Variants in UGT2B10 observed in about 807,000 individuals in gnomAD.
The protein encoded by UGT2B10 is UDP-glucuronosyltransferase 2B10.
UGT2B10 carries 51 observed loss-of-function variants against 43.7 expected under a neutral mutation model. The ratio of observed to expected loss-of-function variants is 1.17; its 90% CI spans 0.93 to 1.47. UGT2B10 has a LOEUF of 1.47. Ranked by LOEUF, UGT2B10 falls within the 40% of genes most tolerant of loss-of-function variation. The pLI is 0.00. For missense variants in UGT2B10, 696 were observed against 617.7 expected (o/e 1.13, Z -1.34); for synonymous variants, 225 against 209.0 (o/e 1.08, Z -0.66).
rs782769475 is a variant in UGT2B10, at chr4:68,822,291, G to A, written c.888G>A (p.Gln296=). The A allele has an allele frequency of 6.2e-7, 1 of 1,612,736 alleles. No homozygotes were observed. The highest frequency in any genetic ancestry group is 1.1e-5 in the South Asian group (1 of 90,980). Residue 296 remains glutamine, a synonymous_variant, in exon 3 of 6, where the codon CAG becomes CAA. Transcript: ENST00000265403. ...CACAGGAAATGGAGGAGTTTGTACA[G>A]AGCTCTGGAGAAAATGGTGTTGTGG... The part of the protein sequence containing the change: ...PLPKEMEEFV[Q]SSGENGVVVF...
chr4:68,828,354 C>A (rs1296222144), intron 5 of UGT2B10, among the ~76,000 whole-genome samples: 3 of 151,534 alleles, frequency 2.0e-5, no homozygotes, highest in African/African-American at 7.3e-5. Context: ...AATATAGATA[C>A]GTCATAATTT....
At chr4:68,824,189 A>C (rs546187779) in intron 3 of UGT2B10, among the ~76,000 whole-genome samples, 1 of 152,246 alleles carries the variant, frequency 6.6e-6, no homozygotes, top group South Asian at 2.1e-4. Context: ...TCAGAGAAAG[A>C]GTGGCCTAGG....
Position 68,817,054 on chromosome 4 carries a change from C to T in UGT2B10, c.718+317C>T, listed in dbSNP as rs990952193. On this transcript the variant is annotated intron_variant, in intron 1 of 5. Coordinates refer to ENST00000265403, the MANE Select transcript of UGT2B10 (RefSeq NM_001075.6). ...TTCAGATCTTAAAAACAGCAAGATC[C>T]GTCAAGTAACATCTAACCGAATGCA... Among the ~76,000 whole-genome samples the T allele has an allele frequency of 4.0e-5, 6 of 151,686 alleles. 1 individual carries two copies. Among genetic ancestry groups the T allele is most frequent in the Admixed American group, 1.3e-4 (2 of 15,170 alleles).
chr4:68,827,697 CTGT>C (rs1207751695), intron 5 of UGT2B10, 149 bp downstream of exon 5: 1 of 1,351,092 alleles, frequency 7.4e-7, no homozygotes, highest in Non-Finnish European at 9.9e-7. Flanking sequence ...TACTTTTTAT[CTGT>C]TATTTAAAAA....
Position 68,816,028 on chromosome 4 carries a change from G to A in UGT2B10, c.9G>A (p.Leu3=), listed in dbSNP as rs115319615. The A allele has an allele frequency of 2.2e-3, 3,509 of 1,612,632 alleles. 58 individuals carry two copies. The African/African-American group carries it at 0.042, about 19-fold the overall frequency. The change falls in exon 1 of 6, where the codon CTG becomes CTA. Residue 3 remains leucine, a synonymous_variant. Transcript: ENST00000265403. MA[L]KWTTVLLIQL... The stretch of plus-strand genomic sequence containing the variant: ...TATCACATTGCACAAGGATGGCTCT[G>A]AAATGGACTACAGTTCTGCTGATAC...
At chr4:68,823,751 GA>G (rs1273503934) in intron 3 of UGT2B10, among the ~76,000 whole-genome samples, 1 of 152,032 alleles carries the variant, frequency 6.6e-6, no homozygotes, top group Non-Finnish European at 1.5e-5. Context: ...GAGCTTTTGG[GA>G]AAGCACTAAT....
rs771595962 is a variant in UGT2B10, at chr4:68,826,403, G to A, written c.1000-7G>A. 6.2e-7 allele frequency: 1 copy of A among 1,608,544 alleles called. No homozygotes were observed. The highest frequency in any genetic ancestry group is 1.7e-5 in the Admixed American group (1 of 59,234). Reference sequence around the variant, plus strand: ...CGTGGAATAAGATATTCTCTTTACTGTAACAGGTTCTTTGGAGATTTGATG... The same window carrying A: ...CGTGGAATAAGATATTCTCTTTACTATAACAGGTTCTTTGGAGATTTGATG... On this transcript the variant is annotated splice_region_variant and splice_polypyrimidine_tract_variant and intron_variant, in intron 3 of 5. Transcript: ENST00000265403.
At chr4:68,824,727 T>C (rs1243955863) in intron 3 of UGT2B10, among the ~76,000 whole-genome samples, 1 of 152,132 alleles carries the variant, frequency 6.6e-6, no homozygotes, top group African/African-American at 2.4e-5. Context: ...AGTAACAACA[T>C]AAAAATGTCT....
chr4:68,816,864 A>C (rs1323539460), intron 1 of UGT2B10, 127 bp downstream of exon 1: 1 of 842,860 alleles, frequency 1.2e-6, no homozygotes, highest in African/African-American at 1.7e-5. Context: ...ATGAAAATAC[A>C]AGATGATCTA....
rs782666944 is a variant in UGT2B10, at chr4:68,822,325, C to A, written c.922C>A (p.Leu308Met). The change falls in exon 3 of 6, where the codon CTG becomes ATG. Residue 308 changes from leucine (L) to methionine (M), a missense_variant. Physicochemically the swap from Leu to Met is conservative, Grantham distance 15. Transcript: ENST00000265403. The stretch of plus-strand genomic sequence containing the variant: ...AGAAAATGGTGTTGTGGTGTTTTCT[C>A]TGGGGTCAATGGTCAGTAACATGAC... The part of the protein sequence containing the change: ...SGENGVVVFS[L>M]GSMVSNMTEE... The A allele has an allele frequency of 1.2e-6, 2 of 1,613,450 alleles. No homozygotes were observed. Among genetic ancestry groups the A allele is most frequent in the Non-Finnish European group, 1.7e-6 (2 of 1,179,800 alleles).
rs1012547349 is a variant in UGT2B10 at position 68,826,557 on chromosome 4, T to A, written c.1087+60T>A. Reference sequence around the variant, plus strand: ...TAACTGCACATTAGAGTGTTAATAGTTCATCTCGAAGCATGCTTATTGAAT... The same window carrying A: ...TAACTGCACATTAGAGTGTTAATAGATCATCTCGAAGCATGCTTATTGAAT... On this transcript the variant is annotated intron_variant, in intron 4 of 5. Coordinates refer to ENST00000265403, the MANE Select transcript of UGT2B10 (RefSeq NM_001075.6). 3.1e-5 allele frequency: 48 copies of A among 1,529,624 alleles called. No individual in the cohort carries two copies. In the African/African-American group the frequency reaches 6.5e-4, roughly 21 times the overall value. The allele number at this position is 1,529,624 out of a possible 1,614,324, so 94.8% of individuals were successfully genotyped here. A position where few individuals can be genotyped will look rare whatever the true frequency, so the allele number is the denominator to read the frequency against.
rs1222063596 is a variant in UGT2B10, at chr4:68,816,176, A to G, written c.157A>G (p.Thr53Ala). 6.2e-7 allele frequency: 1 copy of G among 1,613,214 alleles called. No individual in the cohort carries two copies. The highest frequency in any genetic ancestry group is 1.3e-5 in the African/African-American group (1 of 74,856). Residue 53 changes from threonine to alanine, a missense_variant, in exon 1 of 6, where the codon ACT becomes GCT. Coordinates refer to ENST00000265403, the MANE Select transcript of UGT2B10 (RefSeq NM_001075.6). Reference protein sequence around the residue: ...KELVQRGHEVTVLASSASILF... With the variant: ...KELVQRGHEVAVLASSASILF... Reference sequence around the variant, plus strand: ...ACTTGTTCAGAGAGGTCATGAGGTGACTGTACTGGCATCTTCAGCTTCCAT... The same window carrying G: ...ACTTGTTCAGAGAGGTCATGAGGTGGCTGTACTGGCATCTTCAGCTTCCAT...
Position 68,816,728 on chromosome 4 carries a change from G to T in UGT2B10, c.709G>T (p.Glu237Ter). The T allele has an allele frequency of 1.9e-6, 3 of 1,591,760 alleles. No homozygotes were observed. The highest frequency in any genetic ancestry group is 2.6e-6 in the Non-Finnish European group (3 of 1,170,156). ...NMKKWDQFYS[E>*]VLGRPTTLSE... ...GAAGAAGTGGGATCAGTTTTACAGT[G>T]AAGTTTTAGGTAAGATTTTTTTCAA... The change falls in exon 1 of 6, where the codon GAA (glutamate) becomes TAA (stop). Residue 237 changes from glutamate (E) to a stop codon, truncating the protein, a stop_gained. Transcript: ENST00000265403. LOFTEE classifies it high-confidence loss of function.
chr4:68,816,251 A>G lies in UGT2B10; in HGVS notation c.232A>G (p.Thr78Ala), dbSNP rs1257707472. The change falls in exon 1 of 6, where the codon ACA becomes GCA. Residue 78 changes from threonine (T) to alanine (A), a missense_variant. Thr to Ala is a moderately conservative substitution (Grantham distance 58). Coordinates refer to ENST00000265403, the MANE Select transcript of UGT2B10 (RefSeq NM_001075.6). ...CACTCTTAAACTTGAAGTTTATCCT[A>G]CATCTTTAACTAAAACTGAATTTGA... ...SSTLKLEVYPTSLTKTEFENI... is the reference protein window; with the variant it reads ...SSTLKLEVYPASLTKTEFENI... 6.2e-7 allele frequency: 1 copy of G among 1,613,120 alleles called. No individual in the cohort carries two copies. The highest frequency in any genetic ancestry group is 8.5e-7 in the Non-Finnish European group (1 of 1,179,480).
chr4:68,829,503 A>G (rs1468805346), intron 5 of UGT2B10, among the ~76,000 whole-genome samples: 2 of 152,068 alleles, frequency 1.3e-5, no homozygotes, highest in Non-Finnish European at 2.9e-5. Context: ...ATTTAAATAT[A>G]TATTTTATGA....
At chr4:68,821,106 T>A (rs1228038425) in intron 2 of UGT2B10, among the ~76,000 whole-genome samples, 3 of 152,184 alleles carry the variant, frequency 2.0e-5, no homozygotes, top group Admixed American at 2.0e-4. Context: ...AACTTAAGAT[T>A]ACAAATCACA....
Position 68,830,629 on chromosome 4 carries a change from G to T in UGT2B10, c.1337G>T (p.Arg446Ile). ...SYKENIMKLS[R>I]IQHDQPVKPL... Reference sequence around the variant, plus strand: ...AAAGAGAATATTATGAAATTATCAAGAATTCAACATGATCAACCAGTGAAG... The same window carrying T: ...AAAGAGAATATTATGAAATTATCAATAATTCAACATGATCAACCAGTGAAG... Residue 446 changes from arginine (R) to isoleucine (I), a missense_variant, in exon 6 of 6, where the codon AGA (arginine) becomes ATA (isoleucine). Physicochemically the swap from Arg to Ile is moderately conservative, Grantham distance 97 (BLOSUM62 -3). Transcript: ENST00000265403. The T allele has an allele frequency of 6.2e-7, 1 of 1,612,712 alleles. No individual in the cohort carries two copies.
At chr4:68,826,341 T>C in intron 3 of UGT2B10, 69 bp from the exon 4 acceptor site, 2 of 1,497,912 alleles carry the variant, frequency 1.3e-6, no homozygotes, top group South Asian at 1.2e-5. Context: ...TCTACTCTTT[T>C]TACAGTTCTA....
rs1737726683 is a variant in UGT2B10 at position 68,825,463 on chromosome 4, T to C, written c.1000-947T>C. On this transcript the variant is annotated intron_variant, in intron 3 of 5. Coordinates refer to ENST00000265403, the MANE Select transcript of UGT2B10 (RefSeq NM_001075.6). ...CGTATTAAGACTAATATTCATTTAT[T>C]ATTTTTCCTGATCCTCTCTTTCCTC... 2.0e-5 allele frequency among the ~76,000 whole-genome samples: 3 copies of C among 152,060 alleles called. No individual in the cohort carries two copies. The South Asian group carries it at 6.2e-4, about 31-fold the overall frequency.
Sources: gnomAD v4.1 joint callset for allele counts (sites outside exome capture counted in the v4.1 genomes callset) on GRCh38, gnomAD v4.1.1 for gene constraint, MANE v1.5 for transcripts, NCBI Gene and HGNC (gene_info 2026-07-23, HGNC 2026-07-21) for gene names.